The following PARP10 variants were observed in gnomAD, a reference collection of about 807,000 sequenced individuals.
PARP10 encodes poly(ADP-ribose) polymerase family member 10, also known as protein mono-ADP-ribosyltransferase PARP10.
In PARP10, 56 loss-of-function variants were observed where a neutral mutation model predicts 82.4. The observed-to-expected ratio is 0.68, with a 90% CI of 0.55 to 0.85. PARP10 has a LOEUF of 0.85. Among genes scored for constraint, PARP10 ranks in the 40% least tolerant of loss-of-function variants. The pLI is 0.00. For synonymous variants in PARP10, 576 were observed against 601.1 expected (o/e 0.96, Z 0.61); for missense variants, 1,227 against 1,379.4 (o/e 0.89, Z 1.75).
At chr8:143,981,936 G>A in intron 9 of PARP10, among the ~76,000 whole-genome samples, 1 of 152,296 alleles carries the variant, frequency 6.6e-6, no homozygotes, top group Non-Finnish European at 1.5e-5. Flanking sequence ...GATGGTGGTG[G>A]TGATGACAGT....
chr8:143,987,315 C>G (rs1181142372), upstream of PARP10: 1 of 152,634 alleles, frequency 6.6e-6, no homozygotes, highest in Non-Finnish European at 1.5e-5. Context: ...CTACTTCCCA[C>G]TCACCCCTCA....
chr8:144,003,281 G>C lies in PARP10; in HGVS notation c.-80+9249C>G, dbSNP rs909269990. On this transcript the variant is annotated intron_variant, in intron 1 of 3. Transcript: ENST00000530478. ...CTACTAAAAATACAAAAATTAGCCAGGCATGGTGGCACATGCCTGTAATCC... is the reference window on the plus strand; with the variant it reads ...CTACTAAAAATACAAAAATTAGCCACGCATGGTGGCACATGCCTGTAATCC... Among the ~76,000 whole-genome samples, 5 of 152,068 alleles carry C rather than the reference G, an allele frequency of 3.3e-5. No homozygotes were observed. The East Asian group carries it at 9.6e-4, about 29-fold the overall frequency.
rs1463634443 is a variant in PARP10 at position 144,007,360 on chromosome 8, A to C, written c.-80+5170T>G. Among the ~76,000 whole-genome samples the C allele has an allele frequency of 2.0e-5, 3 of 152,264 alleles. No homozygotes were observed. The East Asian group carries it at 5.8e-4, about 29-fold the overall frequency. On this transcript the variant is annotated intron_variant, in intron 1 of 3. Transcript: ENST00000530478. ...ACTGTCTGCCTCCCCAGGGCCCTCC[A>C]GACTAATCAAAGGGATATTGGTTTC...
At chr8:143,982,415 C>T (rs1177962819) in intron 9 of PARP10, among the ~76,000 whole-genome samples, 10 of 152,042 alleles carry the variant, frequency 6.6e-5, no homozygotes, top group South Asian at 2.1e-4. Flanking sequence ...CGGAGCTTGC[C>T]GTGAGCCGAG....
Position 143,985,341 on chromosome 8 carries a change from G to C in PARP10, c.674-13C>G. 1.3e-6 allele frequency: 2 copies of C among 1,594,958 alleles called. No individual in the cohort carries two copies. The highest frequency in any genetic ancestry group is 1.7e-6 in the Non-Finnish European group (2 of 1,169,862). On this transcript the variant is annotated splice_polypyrimidine_tract_variant and intron_variant, in intron 4 of 10. Transcript: ENST00000313028. ...ACTCGTTCTGCCACTTGGAGGAAGG[G>C]AAAGGACAGAAAGCCTGTCAGATTT...
At chr8:143,991,139 G>C (rs2133062695), upstream of PARP10, 2 of 902,306 alleles carry the variant, frequency 2.2e-6, no homozygotes, top group East Asian at 5.7e-5. Context: ...GTTGCGCAGG[G>C]CTGGGTCCCG....
rs1554748792 is a variant in PARP10, at chr8:143,984,784, G to A, written c.1218C>T (p.Asp406=). Reference sequence around the variant, plus strand: ...CCACCAGCCCCTCTTGCTCTGGTGAGTCCATGGCAATTTCCACCAGGCCCT... The same window carrying A: ...CCACCAGCCCCTCTTGCTCTGGTGAATCCATGGCAATTTCCACCAGGCCCT... ...GQEGLVEIAM[D]SPEQEGLVGP... Residue 406 remains aspartate (D), a synonymous_variant, in exon 5 of 11, where the codon GAC becomes GAT. Transcript: ENST00000313028. The A allele has an allele frequency of 6.2e-7, 1 of 1,612,238 alleles. No homozygotes were observed. The highest frequency in any genetic ancestry group is 1.1e-5 in the South Asian group (1 of 91,026).
At chr8:144,007,686 C>G (rs548371448) in intron 1 of PARP10, among the ~76,000 whole-genome samples, 14 of 152,104 alleles carry the variant, frequency 9.2e-5, no homozygotes, top group Non-Finnish European at 1.8e-4. Context: ...GACACCCCCC[C>G]ACTCTTGGCA....
At chr8:143,985,381 C>T (rs377691068) in intron 4 of PARP10, 31 bp downstream of exon 4, 24 of 1,594,462 alleles carry the variant, frequency 1.5e-5, no homozygotes, top group East Asian at 4.6e-5. Context: ...AGGAGAGGGA[C>T]GGTCGGCTGG....
chr8:143,996,034 G>A (rs782309927), upstream of PARP10, among the ~76,000 whole-genome samples: 33 of 152,080 alleles, frequency 2.2e-4, no homozygotes, highest in Admixed American at 6.5e-4. Flanking sequence ...GCAGAGTCCC[G>A]CTTCCCTAAA....
intron 1 of PARP10, among the ~76,000 whole-genome samples, chr8:144,006,836 A>G (rs1329298919): frequency 6.6e-6 from 1 of 152,154 alleles, no homozygotes; most frequent in African/African-American, 2.4e-5. Context: ...TTGACCTTAG[A>G]CTTCCCAGCC....
rs782035358 is a variant in PARP10, at chr8:143,983,308, T to C, written c.2281A>G (p.Ser761Gly). 5 of 1,612,428 alleles carry C rather than the reference T, an allele frequency of 3.1e-6. No homozygotes were observed. The Admixed American group carries it at 6.7e-5, about 22-fold the overall frequency. ...GTGCAGTCACCACGCAGGGCAACACTCACACCATGGCACCGCTCCAGGCGA... is the reference window on the plus strand; with the variant it reads ...GTGCAGTCACCACGCAGGGCAACACCCACACCATGGCACCGCTCCAGGCGA... Reference protein sequence around the residue: ...RARLERCHGVSVALRGDCTIL... With the variant: ...RARLERCHGVGVALRGDCTIL... The change falls in exon 8 of 11, where the codon AGT (serine) becomes GGT (glycine). Residue 761 changes from serine (S) to glycine (G), a missense_variant. Physicochemically the swap from Ser to Gly is moderately conservative, Grantham distance 56. Transcript: ENST00000313028.
In PARP10 at chr8:143,985,861, C is replaced by T. The variant is rs529752972; in HGVS notation, c.296G>A (p.Gly99Asp). The change falls in exon 3 of 11, where the codon GGC becomes GAC. Residue 99 changes from glycine (G) to aspartate (D), a missense_variant. By Grantham distance (94) the Gly-to-Asp change is moderately conservative. Transcript: ENST00000313028. ...CTGCTCCAAGCGCTGGGGCGTGGTG[C>T]CAGGGGGCAGTCCTTGGAGCAGCAG... is the stretch of plus-strand genomic sequence containing the variant. ...ARLLLQGLPP[G>D]TTPQRLEQHV... 10 of 1,608,418 alleles carry T rather than the reference C, an allele frequency of 6.2e-6. No individual in the cohort carries two copies. In the East Asian group the frequency reaches 1.8e-4, roughly 29 times the overall value.
At chr8:143,990,290 C>T (rs1834069423), upstream of PARP10, 1 of 150,026 alleles carries the variant, frequency 6.7e-6, no homozygotes, top group South Asian at 2.1e-4. This position sits in a 1 kb window ranked among gnomAD's most constrained non-coding sequence, Gnocchi z 5.6. Flanking sequence ...GGATCTTGCG[C>T]ATCCGAGCGT....
upstream of PARP10, among the ~76,000 whole-genome samples, chr8:143,988,585 C>CG (rs1202527940): frequency 2.0e-5 from 3 of 151,900 alleles, no homozygotes; most frequent in African/African-American, 7.2e-5. Context: ...CCTGCCTCAG[C>CG]CCCCCCAATA....
rs181521347 is a variant in PARP10 at position 144,011,036 on chromosome 8, C to A, written c.-80+1494G>T. Among the ~76,000 whole-genome samples the A allele has an allele frequency of 4.6e-5, 7 of 151,846 alleles. No individual in the cohort carries two copies. In the South Asian group the frequency reaches 1.2e-3, roughly 27 times the overall value. On this transcript the variant is annotated intron_variant, in intron 1 of 3. Transcript: ENST00000530478. This position sits in a 1 kb window ranked among gnomAD's most constrained non-coding sequence, Gnocchi z 4.5. ...GTAGCTATTAATCACGTCTATTAGA[C>A]GTCTAATAGACGTGATTAATAGCTA...
chr8:144,006,338 C>T lies in PARP10; in HGVS notation c.-80+6192G>A, dbSNP rs114878661. Among the ~76,000 whole-genome samples the T allele has an allele frequency of 2.9e-3, 444 of 152,346 alleles. 1 individual carries two copies. Among genetic ancestry groups the T allele is most frequent in the African/African-American group, 1.0e-2 (415 of 41,576 alleles). On this transcript the variant is annotated intron_variant, in intron 1 of 3. Transcript: ENST00000530478. ...CTCACAACGACAGCAGGAGGAGGGA[C>T]GTTATCCCCACTCGACAGATGAAGA... is the stretch of plus-strand genomic sequence containing the variant.
chr8:144,006,633 A>G (rs1234042334), intron 1 of PARP10, among the ~76,000 whole-genome samples: 1 of 152,172 alleles, frequency 6.6e-6, no homozygotes, highest in Non-Finnish European at 1.5e-5. Context: ...TCCCCCCTCA[A>G]AATGCATGTG....
chr8:143,992,470 C>T (rs782633737), upstream of PARP10: 1 of 1,614,166 alleles, frequency 6.2e-7, no homozygotes, highest in South Asian at 1.1e-5. Flanking sequence ...TGCAGACCCG[C>T]TACGACTTCA....
Sources: allele counts gnomAD v4.1 joint callset (sites outside exome capture counted in the v4.1 genomes callset), GRCh38; gene constraint gnomAD v4.1.1; non-coding constraint Gnocchi (gnomAD v3.1); transcripts MANE v1.5; gene names NCBI Gene and HGNC (gene_info 2026-07-23, HGNC 2026-07-21).